STK39: variants seen among roughly 807,000 people sequenced by gnomAD.
STK39 encodes STE20/SPS1-related proline-alanine-rich protein kinase.
A neutral mutation model predicts 77.8 loss-of-function variants in STK39; 20 were observed. The observed-to-expected ratio is 0.26, with a 90% CI of 0.18 to 0.37. The LOEUF (loss-of-function observed/expected upper bound fraction) is 0.37. Among genes scored for constraint, STK39 ranks in the 10% least tolerant of loss-of-function variants. The pLI, the probability that STK39 is intolerant of heterozygous loss-of-function variation, is 1.00. For missense variants in STK39, 479 were observed against 656.5 expected (o/e 0.73, Z 2.95); for synonymous variants, 246 against 234.1 (o/e 1.05, Z -0.47).
chr2:168,043,181 GTA>G (rs1685152895), intron 14 of STK39, among the ~76,000 whole-genome samples: 1 of 152,094 alleles, frequency 6.6e-6, no homozygotes, highest in Admixed American at 6.5e-5. Context: ...AGCAATCAGA[GTA>G]TGTTTTCCTT....
At chr2:168,180,759 T>C (rs1192342843) in intron 2 of STK39, among the ~76,000 whole-genome samples, 2 of 152,164 alleles carry the variant, frequency 1.3e-5, no homozygotes, top group Non-Finnish European at 2.9e-5. Flanking sequence ...AAAGCACAGC[T>C]GAAATTTCAA....
At chr2:168,230,076 G>A (rs1436553706) in intron 1 of STK39, among the ~76,000 whole-genome samples, 2 of 152,160 alleles carry the variant, frequency 1.3e-5, no homozygotes, top group African/African-American at 4.8e-5. Flanking sequence ...TTAGATGAAT[G>A]ACAAATATTG....
chr2:168,132,360 C>T (rs1687719373), intron 8 of STK39, among the ~76,000 whole-genome samples: 1 of 152,044 alleles, frequency 6.6e-6, no homozygotes, highest in African/African-American at 2.4e-5. Flanking sequence ...ATTTCCAACC[C>T]ATCATCCACC....
intron 5 of STK39, among the ~76,000 whole-genome samples, chr2:168,141,493 G>A (rs1047061614): frequency 3.9e-5 from 6 of 152,182 alleles, no homozygotes; most frequent in Non-Finnish European, 8.8e-5. Context: ...AGGCACATGT[G>A]TAAAAATTCT....
chr2:168,016,409 A>AC (rs1343584082), intron 15 of STK39, among the ~76,000 whole-genome samples: 4 of 148,618 alleles, frequency 2.7e-5, no homozygotes, highest in African/African-American at 1.0e-4. Context: ...AAAAAAAAAA[A>AC]AAAACAACAC....
intron 14 of STK39, among the ~76,000 whole-genome samples, chr2:168,044,612 GAGA>G (rs1413062918): frequency 1.3e-5 from 2 of 152,196 alleles, no homozygotes; most frequent in African/African-American, 2.4e-5. Flanking sequence ...TTTAGAAAAA[GAGA>G]AGAAGAAGAT....
In STK39 at chr2:168,002,602, T is replaced by C. The variant is rs1684028794; in HGVS notation, c.1498+10032A>G. Among the ~76,000 whole-genome samples, 3 of 152,226 alleles carry C rather than the reference T, an allele frequency of 2.0e-5. 1 individual carries two copies. The highest frequency in any genetic ancestry group is 4.1e-4 in the South Asian group (2 of 4,834). ...GGAATTCTTTTTTTTCTAGGAATTC[T>C]TTCCTCCGCTTAATTCCTCTGAGTT... On this transcript the variant is annotated intron_variant, in intron 16 of 17. Coordinates refer to ENST00000355999, the MANE Select transcript of STK39 (RefSeq NM_013233.3).
chr2:168,057,695 CCT>C (rs2105375810), intron 14 of STK39, among the ~76,000 whole-genome samples: 1 of 152,246 alleles, frequency 6.6e-6, no homozygotes. Flanking sequence ...CAATTATTCT[CCT>C]CTCTTCTAAA....
At chr2:168,125,622 T>C (rs924638638) in intron 10 of STK39, among the ~76,000 whole-genome samples, 5 of 152,126 alleles carry the variant, frequency 3.3e-5, no homozygotes, top group Admixed American at 6.5e-5. Context: ...AGATGATCCC[T>C]AAACAACACT....
chr2:168,130,894 G>A (rs771145185), intron 8 of STK39, among the ~76,000 whole-genome samples: 1 of 152,184 alleles, frequency 6.6e-6, no homozygotes, highest in Non-Finnish European at 1.5e-5. Flanking sequence ...TGAAGGAACT[G>A]TTCTAGACTC....
At chr2:168,176,057 T>C (rs1426952596) in intron 2 of STK39, among the ~76,000 whole-genome samples, 1 of 152,146 alleles carries the variant, frequency 6.6e-6, no homozygotes, top group Non-Finnish European at 1.5e-5. Context: ...ATGAATGAGC[T>C]GGGATATGAA....
At chr2:167,986,054 G>A (rs1289680743) in intron 16 of STK39, among the ~76,000 whole-genome samples, 2 of 152,156 alleles carry the variant, frequency 1.3e-5, no homozygotes, top group African/African-American at 4.8e-5. Flanking sequence ...GAATTCACCT[G>A]TTATATGTAC....
chr2:168,190,676 C>G (rs1689317636), intron 1 of STK39, among the ~76,000 whole-genome samples: 1 of 152,214 alleles, frequency 6.6e-6, no homozygotes, highest in African/African-American at 2.4e-5. Flanking sequence ...GAGCCCACAA[C>G]AGCCCTCGAA....
chr2:168,110,684 T>C (rs1442892874), intron 10 of STK39, among the ~76,000 whole-genome samples: 1 of 151,852 alleles, frequency 6.6e-6, no homozygotes, highest in Non-Finnish European at 1.5e-5. Context: ...TCTGGGTTCT[T>C]TATTTGATTC....
At chr2:168,017,231 G>C in intron 14 of STK39, 136 bp from the exon 15 acceptor site, 1 of 457,662 alleles carries the variant, frequency 2.2e-6, no homozygotes, top group South Asian at 6.6e-5. Context: ...CAAGTATTTT[G>C]TTAACTGGAA....
At chr2:168,190,220 T>C (rs2105649522) in intron 1 of STK39, among the ~76,000 whole-genome samples, 1 of 152,276 alleles carries the variant, frequency 6.6e-6, no homozygotes, top group East Asian at 1.9e-4. Context: ...CATCAGCCCA[T>C]CACTGGGGAA....
chr2:167,961,544 TA>T (rs1691959807), intron 17 of STK39, among the ~76,000 whole-genome samples: 2 of 152,054 alleles, frequency 1.3e-5, no homozygotes, highest in African/African-American at 4.8e-5. Context: ...GGCTTAAAAA[TA>T]AAGACCTGTC....
chr2:168,082,460 A>T (rs1249323578), intron 10 of STK39, among the ~76,000 whole-genome samples: 1 of 152,176 alleles, frequency 6.6e-6, no homozygotes, highest in Non-Finnish European at 1.5e-5. Flanking sequence ...AGATTTAATG[A>T]CTTCCTAATA....
At chr2:168,239,579 G>C (rs917658433) in intron 1 of STK39, among the ~76,000 whole-genome samples, 1 of 152,204 alleles carries the variant, frequency 6.6e-6, no homozygotes, top group Non-Finnish European at 1.5e-5. Flanking sequence ...CATTAACCAC[G>C]GGCAAGATCA....
Sources: gnomAD v4.1 joint callset for allele counts (sites outside exome capture counted in the v4.1 genomes callset) on GRCh38, gnomAD v4.1.1 for gene constraint, MANE v1.5 for transcripts, NCBI Gene and HGNC (gene_info 2026-07-23, HGNC 2026-07-21) for gene names.